The following TLN2 variants were observed in gnomAD, a reference collection of about 807,000 sequenced individuals.
The protein encoded by TLN2 is talin 2.
Under a neutral mutation model 294.7 loss-of-function variants are expected in TLN2, and 118 were observed. The ratio of observed to expected loss-of-function variants is 0.40; its 90% CI spans 0.34 to 0.47. The LOEUF is 0.47. Among genes scored for constraint, TLN2 ranks in the 20% least tolerant of loss-of-function variants. TLN2 has a pLI of 0.84. For missense variants in TLN2, 3,083 were observed against 3,282.2 expected (o/e 0.94, Z 1.48); for synonymous variants, 1,431 against 1,304.5 (o/e 1.10, Z -2.09).
chr15:62,799,441 C>T (rs1488719585), intron 48 of TLN2, among the ~76,000 whole-genome samples: 1 of 152,222 alleles, frequency 6.6e-6, no homozygotes, highest in Non-Finnish European at 1.5e-5. Flanking sequence ...GTACTTTTCA[C>T]TCTAAATCCG....
chr15:62,640,773 C>T (rs1225436636), intron 3 of TLN2, among the ~76,000 whole-genome samples: 1 of 152,122 alleles, frequency 6.6e-6, no homozygotes, highest in Non-Finnish European at 1.5e-5. Context: ...AGAATAAACA[C>T]AGGAACTATG....
chr15:62,836,640 C>T (rs146440916), intron 57 of TLN2, among the ~76,000 whole-genome samples: 53 of 149,512 alleles, frequency 3.5e-4, no homozygotes, highest in African/African-American at 1.3e-3. Context: ...GCCCAGAGAA[C>T]ATGTTAGGAA....
chr15:62,395,875 GCA>G lies in TLN2; in HGVS notation c.-238+5193_-238+5194del, dbSNP rs560925498. ...ATTTTTTTGAGATGGTGTCTCAGTC[GCA>G]CAGACTGGACTGCAGTGGCTTGATG... On this transcript the variant is annotated intron_variant, in intron 1 of 58. Transcript: ENST00000636159. 3.1e-3 allele frequency among the ~76,000 whole-genome samples: 463 copies of G among 151,788 alleles called. 3 individuals are homozygous for G. Among genetic ancestry groups the G allele is most frequent in the African/African-American group, 0.011 (453 of 41,356 alleles).
intron 52 of TLN2, among the ~76,000 whole-genome samples, 183 bp downstream of exon 52, chr15:62,810,215 G>A (rs2066585685): frequency 6.6e-6 from 1 of 152,196 alleles, no homozygotes; most frequent in South Asian, 2.1e-4. Context: ...TGAGCTAAAA[G>A]TGCGGTCTGG....
At chr15:62,837,360 A>T (rs1178813455) in intron 57 of TLN2, among the ~76,000 whole-genome samples, 2 of 152,220 alleles carry the variant, frequency 1.3e-5, no homozygotes, top group African/African-American at 4.8e-5. Context: ...ACCTGGTTCA[A>T]GTCCTGCTTC....
In TLN2 at chr15:62,724,400, T is replaced by C. The variant is rs190707159; in HGVS notation, c.3127-576T>C. On this transcript the variant is annotated intron_variant, in intron 26 of 58. Transcript: ENST00000636159. ...ATATAATTATATGTGCATGTGTATA[T>C]TGAGGGATGTTATCAAAGCATTTGG... Among the ~76,000 whole-genome samples, 330 of 152,334 alleles carry C rather than the reference T, an allele frequency of 2.2e-3. 1 individual carries two copies. The highest frequency in any genetic ancestry group is 2.9e-3 in the Non-Finnish European group (196 of 68,024).
intron 20 of TLN2, among the ~76,000 whole-genome samples, chr15:62,707,732 C>T (rs894700843): frequency 2.0e-5 from 3 of 152,144 alleles, no homozygotes; most frequent in South Asian, 2.1e-4. Context: ...AAATTAAGCA[C>T]CATTATCTCT....
At chr15:62,675,013 G>C (rs1327100025) in intron 10 of TLN2, among the ~76,000 whole-genome samples, 1 of 152,188 alleles carries the variant, frequency 6.6e-6, no homozygotes, top group Non-Finnish European at 1.5e-5. Context: ...TCAAACTCTG[G>C]TTTGAAATCC....
chr15:62,476,479 G>A (rs2037790054), intron 1 of TLN2: 1 of 152,294 alleles, frequency 6.6e-6, no homozygotes, highest in Non-Finnish European at 1.5e-5. Flanking sequence ...AGCCAGGTCT[G>A]GCTGATGGAC....
chr15:62,771,471 A>G (rs529556164), intron 42 of TLN2, among the ~76,000 whole-genome samples: 17 of 152,250 alleles, frequency 1.1e-4, no homozygotes, highest in Admixed American at 3.3e-4. Context: ...GGAATGTTCT[A>G]TTGTGCTCCA....
chr15:62,774,455 T>G (rs1595946966), intron 42 of TLN2, among the ~76,000 whole-genome samples: 1 of 152,168 alleles, frequency 6.6e-6, no homozygotes, highest in African/African-American at 2.4e-5. Flanking sequence ...TCCAACTGTG[T>G]CTTTGGGTAT....
At chr15:62,503,924 G>A (rs1479766168) in intron 1 of TLN2, among the ~76,000 whole-genome samples, 1 of 152,058 alleles carries the variant, frequency 6.6e-6, no homozygotes, top group Admixed American at 6.6e-5. Context: ...CAGTATCAAA[G>A]ACCCTGGAAT....
chr15:62,684,893 T>C (rs1400825672), intron 11 of TLN2, among the ~76,000 whole-genome samples: 1 of 149,590 alleles, frequency 6.7e-6, no homozygotes, highest in Non-Finnish European at 1.5e-5. Flanking sequence ...TCCAGCTCTG[T>C]TTTATGTGCC....
rs2048864954 is a variant in TLN2, at chr15:62,621,886, C to G, written c.-37+3411C>G. On this transcript the variant is annotated intron_variant, in intron 3 of 58. Coordinates refer to ENST00000636159, the MANE Select transcript of TLN2 (RefSeq NM_015059.3). ...TGCTAGCTAATTCTACCAAAGGGTCCTCCCAACACAGATGGCCTCAGGACC... is the reference window on the plus strand; with the variant it reads ...TGCTAGCTAATTCTACCAAAGGGTCGTCCCAACACAGATGGCCTCAGGACC... Among the ~76,000 whole-genome samples, 3 of 152,286 alleles carry G rather than the reference C, an allele frequency of 2.0e-5. No homozygotes were observed. In the South Asian group the frequency reaches 6.2e-4, roughly 32 times the overall value.
At chr15:62,839,003 A>G (rs1423523108) in intron 58 of TLN2, 22 bp downstream of exon 58, 4 of 1,610,918 alleles carry the variant, frequency 2.5e-6, no homozygotes, top group Admixed American at 1.7e-5. Flanking sequence ...AATCAAGAAT[A>G]GTATTTACTT....
intron 1 of TLN2, among the ~76,000 whole-genome samples, chr15:62,400,434 C>T (rs2032934657): frequency 6.6e-6 from 1 of 152,146 alleles, no homozygotes; most frequent in Non-Finnish European, 1.5e-5. Flanking sequence ...TAATTCTTGT[C>T]TGAATTTGTT....
intron 27 of TLN2, among the ~76,000 whole-genome samples, chr15:62,726,512 CTG>C (rs2060449565): frequency 6.6e-6 from 1 of 152,160 alleles, no homozygotes; most frequent in African/African-American, 2.4e-5. Context: ...GAAGCAAGCA[CTG>C]TGCCCATTTT....
At chr15:62,421,458 T>G (rs2034385073) in intron 1 of TLN2, among the ~76,000 whole-genome samples, 1 of 152,158 alleles carries the variant, frequency 6.6e-6, no homozygotes, top group South Asian at 2.1e-4. Context: ...TATAAGGAAC[T>G]TAAAATGAGT....
intron 1 of TLN2, among the ~76,000 whole-genome samples, chr15:62,573,558 CAG>C (rs2044108964): frequency 6.6e-6 from 1 of 152,116 alleles, no homozygotes; most frequent in Admixed American, 6.5e-5. Flanking sequence ...GCATGCATGA[CAG>C]GGGTCCCGTG....
Sources: gnomAD v4.1 joint callset for allele counts (sites outside exome capture counted in the v4.1 genomes callset) on GRCh38, gnomAD v4.1.1 for gene constraint, MANE v1.5 for transcripts, NCBI Gene and HGNC (gene_info 2026-07-23, HGNC 2026-07-21) for gene names.